ASTN2: variants seen among roughly 807,000 people sequenced by gnomAD.
The protein encoded by ASTN2 is astrotactin 2.
ASTN2 carries 54 observed loss-of-function variants against 139.8 expected under a neutral mutation model. The observed-to-expected ratio is 0.39, with a 90% CI of 0.31 to 0.48. The LOEUF is 0.48. Ranked by LOEUF, ASTN2 falls within the 20% of genes least tolerant of loss-of-function variation. The probability of loss-of-function intolerance (pLI) is 0.95; values close to 1 mark genes in which losing one functional copy is unlikely to be tolerated. For synonymous variants in ASTN2, 756 were observed against 719.5 expected (o/e 1.05, Z -0.81); for missense variants, 1,565 against 1,725.1 (o/e 0.91, Z 1.64).
At position 117,096,070 on chromosome 9, in the gene ASTN2, T is replaced by C; in HGVS notation, c.1250A>G (p.Gln417Arg). Residue 417 changes from glutamine (Q) to arginine (R), a missense_variant, in exon 5 of 23, where the codon CAG becomes CGG. Physicochemically the swap from Gln to Arg is conservative, Grantham distance 43. Around this residue, in one of 4 missense-constraint regions of ASTN2, gnomAD observed 596 missense variants for 576.8 expected, o/e 1.03. Coordinates refer to ENST00000313400, the MANE Select transcript of ASTN2 (RefSeq NM_001365068.1). ...TTTGCTGCGGCGGCGACTGCGGTACTGCTCCGTGTAGAATGTCAGCTGAGT... is the reference window on the plus strand; with the variant it reads ...TTTGCTGCGGCGGCGACTGCGGTACCGCTCCGTGTAGAATGTCAGCTGAGT... Reference protein sequence around the residue: ...DETQLTFYTEQYRSRRRSKGL... With the variant: ...DETQLTFYTERYRSRRRSKGL... 1.2e-6 allele frequency: 2 copies of C among 1,614,098 alleles called. No homozygotes were observed. Among genetic ancestry groups the C allele is most frequent in the Non-Finnish European group, 1.7e-6 (2 of 1,179,982 alleles).
chr9:116,626,706 G>C (rs1214618547), intron 17 of ASTN2, among the ~76,000 whole-genome samples: 1 of 152,116 alleles, frequency 6.6e-6, no homozygotes, highest in Non-Finnish European at 1.5e-5. Flanking sequence ...AAAGATGGGA[G>C]GTGAAGAGAT....
At chr9:116,657,924 A>G (rs899486883) in intron 16 of ASTN2, among the ~76,000 whole-genome samples, 4 of 147,228 alleles carry the variant, frequency 2.7e-5, no homozygotes, top group Non-Finnish European at 6.0e-5. Context: ...GTCTTGCTGT[A>G]TCACCCAGAT....
chr9:117,404,031 A>C (rs34914059), intron 1 of ASTN2, among the ~76,000 whole-genome samples: 4,090 of 152,258 alleles, frequency 0.027, 91 homozygotes, highest in Non-Finnish European at 0.041. Flanking sequence ...CTCCTTCCAA[A>C]AAAAGGATTC....
At chr9:117,281,931 C>T (rs1159454470) in intron 2 of ASTN2, among the ~76,000 whole-genome samples, 3 of 152,152 alleles carry the variant, frequency 2.0e-5, no homozygotes. Context: ...CCGCCCTTCA[C>T]TCCATCTACC....
chr9:116,534,484 C>A (rs544924691), intron 19 of ASTN2, among the ~76,000 whole-genome samples: 1 of 152,278 alleles, frequency 6.6e-6, no homozygotes, highest in South Asian at 2.1e-4. Context: ...TTCCTGCTTT[C>A]TCTTGTGGGC....
At chr9:117,376,269 T>C (rs1830122379) in intron 1 of ASTN2, among the ~76,000 whole-genome samples, 1 of 152,080 alleles carries the variant, frequency 6.6e-6, no homozygotes, top group Non-Finnish European at 1.5e-5. Flanking sequence ...AGTGAGTACT[T>C]TGGGACATGT....
intron 7 of ASTN2, among the ~76,000 whole-genome samples, chr9:116,999,062 C>T (rs1837106213): frequency 6.6e-6 from 1 of 152,156 alleles, no homozygotes; most frequent in Non-Finnish European, 1.5e-5. Context: ...TGAAAAGTGG[C>T]TGCTGAAGAC....
chr9:117,368,596 G>C (rs1304915688), intron 1 of ASTN2, among the ~76,000 whole-genome samples: 1 of 152,112 alleles, frequency 6.6e-6, no homozygotes, highest in Non-Finnish European at 1.5e-5. Flanking sequence ...ACAGGGGTGA[G>C]AGACAGTATC....
At chr9:117,386,417 T>C (rs1185735607) in intron 1 of ASTN2, among the ~76,000 whole-genome samples, 1 of 152,120 alleles carries the variant, frequency 6.6e-6, no homozygotes, top group African/African-American at 2.4e-5. Context: ...GCTGCCATGG[T>C]CTGACAAGTC....
intron 10 of ASTN2, among the ~76,000 whole-genome samples, chr9:116,932,064 GACCTTAGAGGCCATGGTAACAC>G (rs1834913764): frequency 1.3e-5 from 2 of 152,122 alleles, no homozygotes; most frequent in African/African-American, 4.8e-5. Context: ...GAAGAGATAG[GACCTTAGAGGCCATGGTAACAC>G]ACTTGAATAT....
At chr9:116,509,006 T>A (rs976179995) in intron 19 of ASTN2, among the ~76,000 whole-genome samples, 2 of 152,246 alleles carry the variant, frequency 1.3e-5, no homozygotes, top group African/African-American at 2.4e-5. Context: ...TGAATTTTTT[T>A]ATATATATAT....
intron 4 of ASTN2, among the ~76,000 whole-genome samples, chr9:117,103,496 T>C (rs1314630113): frequency 6.6e-6 from 1 of 152,148 alleles, no homozygotes. Flanking sequence ...TGGAGCAAGA[T>C]GATACAAGGT....
intron 13 of ASTN2, among the ~76,000 whole-genome samples, chr9:116,801,092 G>A (rs541511287): frequency 3.9e-5 from 6 of 152,222 alleles, no homozygotes; most frequent in Non-Finnish European, 5.9e-5. Context: ...ATGGTGAGAC[G>A]GCTGGTGGCA....
chr9:117,154,589 A>G (rs1830393240), intron 3 of ASTN2, among the ~76,000 whole-genome samples: 1 of 152,096 alleles, frequency 6.6e-6, no homozygotes. Flanking sequence ...AGTTTGCAAT[A>G]TTATCACTTC....
chr9:117,367,964 C>G (rs749015984), intron 1 of ASTN2, among the ~76,000 whole-genome samples: 15 of 152,072 alleles, frequency 9.9e-5, no homozygotes, highest in Non-Finnish European at 2.2e-4. Flanking sequence ...AGTATGTGCT[C>G]TTTTCACAAA....
chr9:116,788,656 G>A (rs1266084666), intron 13 of ASTN2, among the ~76,000 whole-genome samples: 5 of 151,948 alleles, frequency 3.3e-5, no homozygotes, highest in Admixed American at 6.6e-5. Context: ...CTCAGTAGTC[G>A]CAGAAATTGT....
intron 16 of ASTN2, among the ~76,000 whole-genome samples, chr9:116,694,461 T>C (rs1391169504): frequency 1.7e-5 from 2 of 116,486 alleles, no homozygotes; most frequent in Non-Finnish European, 3.3e-5. Context: ...TAATTTCTCT[T>C]TTTTTTTTTT....
chr9:116,496,943 C>A (rs1366227273), intron 19 of ASTN2, among the ~76,000 whole-genome samples: 1 of 152,172 alleles, frequency 6.6e-6, no homozygotes, highest in Non-Finnish European at 1.5e-5. Context: ...CCTCCCATAA[C>A]ACATGGGGAT....
intron 10 of ASTN2, among the ~76,000 whole-genome samples, chr9:116,880,939 A>G (rs1448537856): frequency 2.0e-5 from 3 of 152,194 alleles, no homozygotes; most frequent in African/African-American, 7.2e-5. Flanking sequence ...TATTATAGAC[A>G]CATAAAGACG....
Sources: allele counts gnomAD v4.1 joint callset (sites outside exome capture counted in the v4.1 genomes callset), GRCh38; gene constraint gnomAD v4.1.1; regional missense constraint gnomAD v4.1.1; transcripts MANE v1.5; gene names NCBI Gene and HGNC (gene_info 2026-07-23, HGNC 2026-07-21).